The following COQ4 variants were observed in gnomAD, a reference collection of about 807,000 sequenced individuals.
COQ4 encodes the protein coenzyme Q4.
A neutral mutation model predicts 30.2 loss-of-function variants in COQ4; 36 were observed. The ratio of observed to expected loss-of-function variants is 1.19; its 90% CI spans 0.91 to 1.57. COQ4 has a LOEUF of 1.57. Ranked by LOEUF, COQ4 falls within the 40% of genes most tolerant of loss-of-function variation. COQ4 has a pLI of 0.00. For missense variants in COQ4, 369 were observed against 371.9 expected (o/e 0.99, Z 0.07); for synonymous variants, 197 against 161.0 (o/e 1.22, Z -1.69).
In COQ4 at chr9:128,333,811, C is replaced by G. The variant is rs905856778; in HGVS notation, c.*166C>G. The G allele has an allele frequency of 7.1e-6, 4 of 565,900 alleles. No homozygotes were observed. Among genetic ancestry groups the G allele is most frequent in the Non-Finnish European group, 1.2e-5 (4 of 346,710 alleles). 35.1% of individuals were successfully genotyped at this position (565,900 alleles called of 1,614,324 possible). A position where few individuals can be genotyped will look rare whatever the true frequency, so the allele number is the denominator to read the frequency against. ...GCTGAGTGGCCTTGAGGACGAACCC[C>G]GCAGGGAGCAAGCAGTACAGTGGCA... On this transcript the variant is annotated 3_prime_UTR_variant, in exon 7 of 7. Transcript: ENST00000300452.
Position 128,333,509 on chromosome 9 carries a change from G to T in COQ4, c.662G>T (p.Trp221Leu). 1 of 1,579,680 alleles carries T rather than the reference G, an allele frequency of 6.3e-7. No homozygotes were observed. ...LQVLVSELIP[W>L]AVQNGRRAPC... ...GTGCTGGTCTCGGAGTTGATCCCAT[G>T]GGCCGTTCAGAACGGGCGCAGAGCC... Residue 221 changes from tryptophan (W) to leucine (L), a missense_variant, in exon 7 of 7, where the codon TGG (tryptophan) becomes TTG (leucine). Transcript: ENST00000300452.
intron 2 of COQ4, 78 bp downstream of exon 2, chr9:128,323,225 C>A: frequency 2.1e-6 from 3 of 1,399,504 alleles, no homozygotes; most frequent in Non-Finnish European, 2.8e-6. Context: ...TAGCCTAGGT[C>A]GGGGTACCCA....
At chr9:128,326,182 T>C in intron 4 of COQ4, 4 of 554,674 alleles carry the variant, frequency 7.2e-6, no homozygotes, top group Non-Finnish European at 3.2e-6. Context: ...TATCCTCTTT[T>C]AGCAGATAAG....
intron 4 of COQ4, among the ~76,000 whole-genome samples, chr9:128,328,957 C>T (rs1360722426): frequency 6.6e-6 from 1 of 151,738 alleles, no homozygotes; most frequent in African/African-American, 2.4e-5. Context: ...GCAAGGAAAT[C>T]AGCAGCTCAT....
At chr9:128,327,511 G>A (rs1479441601) in intron 4 of COQ4, among the ~76,000 whole-genome samples, 1 of 151,968 alleles carries the variant, frequency 6.6e-6, no homozygotes, top group Admixed American at 6.6e-5. Flanking sequence ...AGAATATTCT[G>A]GCACTGGTCC....
At chr9:128,328,864 G>A (rs1038993532) in intron 4 of COQ4, among the ~76,000 whole-genome samples, 3 of 152,172 alleles carry the variant, frequency 2.0e-5, no homozygotes, top group African/African-American at 7.2e-5. Context: ...GAGGGGAGGG[G>A]GTAGCAGGGA....
intron 4 of COQ4, among the ~76,000 whole-genome samples, chr9:128,326,819 G>A (rs955674292): frequency 7.2e-5 from 11 of 151,824 alleles, no homozygotes; most frequent in South Asian, 4.2e-4. Flanking sequence ...GCGCCGTCTC[G>A]GCTCACTGCA....
chr9:128,322,930 C>A lies in COQ4; in HGVS notation c.70+2C>A, dbSNP rs767839639. ...CGGGCCTACAGCGGCCTGCGGCAGG[C>A]AAGTGGCGCCGGGTTCTGGGCGCAG... On this transcript the variant is annotated splice_donor_variant, in intron 1 of 6. Coordinates refer to ENST00000300452, the MANE Select transcript of COQ4 (RefSeq NM_016035.5). LOFTEE classifies it high-confidence loss of function. The A allele has an allele frequency of 6.9e-6, 11 of 1,601,482 alleles. No individual in the cohort carries two copies. Among genetic ancestry groups the A allele is most frequent in the Non-Finnish European group, 7.6e-6 (9 of 1,177,974 alleles).
chr9:128,326,457 C>CT (rs111519494), intron 4 of COQ4: 40,815 of 148,262 alleles, frequency 0.28, 9,948 homozygotes, highest in African/African-American at 0.66. Context: ...TGTGCCATCC[C>CT]TTTTTTTTTT....
rs1588546502 is a variant in COQ4 at position 128,333,621 on chromosome 9, C to T, written c.774C>T (p.Pro258=). Residue 258 remains proline (P), a synonymous_variant, in exon 7 of 7, where the codon CCC becomes CCT. Coordinates refer to ENST00000300452, the MANE Select transcript of COQ4 (RefSeq NM_016035.5). ...AGGAGCTGGGCATTACAGCACCACC[C>T]ATGCACGTCCAGGGCTTGGCCTGAG... is the stretch of plus-strand genomic sequence containing the variant. The part of the protein sequence containing the change: ...LREELGITAP[P]MHVQGLA 1.3e-6 allele frequency: 2 copies of T among 1,583,872 alleles called. No individual in the cohort carries two copies. Among genetic ancestry groups the T allele is most frequent in the East Asian group, 2.3e-5 (1 of 43,482 alleles).
rs181369716 is a variant in COQ4, at chr9:128,326,119, C to T, written c.402+238C>T. Reference sequence around the variant, plus strand: ...CGCACTGCATGCCTGATGCCAGCCTCATCCGTGATCTTGCTGAATCCCCCC... The same window carrying T: ...CGCACTGCATGCCTGATGCCAGCCTTATCCGTGATCTTGCTGAATCCCCCC... On this transcript the variant is annotated intron_variant, in intron 4 of 6. Transcript: ENST00000300452. 4.8e-4 allele frequency: 279 copies of T among 576,902 alleles called. No homozygotes were observed. In the Middle Eastern group the frequency reaches 5.0e-3, roughly 10 times the overall value. 35.7% of individuals were successfully genotyped at this position (576,902 alleles called of 1,614,324 possible).
At chr9:128,331,929 G>A (rs371587271) in intron 4 of COQ4, 8 of 446,088 alleles carry the variant, frequency 1.8e-5, no homozygotes, top group East Asian at 8.1e-5. Flanking sequence ...GGGTTTCACC[G>A]TATTGGTCAG....
Position 128,333,776 on chromosome 9 carries a change from C to T in COQ4, c.*131C>T. 1.1e-6 allele frequency: 1 copy of T among 895,944 alleles called. No individual in the cohort carries two copies. Among genetic ancestry groups the T allele is most frequent in the East Asian group, 3.1e-5 (1 of 31,920 alleles). The allele number at this position is 895,944 out of a possible 1,614,324, so 55.5% of individuals were successfully genotyped here. ...TTGGACAACATTTATCATAATTTGT[C>T]ATAACCACTGCTGAGTGGCCTTGAG... On this transcript the variant is annotated 3_prime_UTR_variant, in exon 7 of 7. Coordinates refer to ENST00000300452, the MANE Select transcript of COQ4 (RefSeq NM_016035.5).
intron 4 of COQ4, among the ~76,000 whole-genome samples, chr9:128,328,267 C>A (rs1263694059): frequency 6.9e-6 from 1 of 144,874 alleles, no homozygotes; most frequent in African/African-American, 2.9e-5. Context: ...AGTAAAGTGA[C>A]CTGATTTGTA....
rs763842960 is a variant in COQ4 at position 128,332,199 on chromosome 9, A to G, written c.449A>G (p.Glu150Gly). 2 of 1,607,586 alleles carry G rather than the reference A, an allele frequency of 1.2e-6. No homozygotes were observed. The highest frequency in any genetic ancestry group is 3.4e-5 in the Admixed American group (2 of 59,040). Residue 150 changes from glutamate (E) to glycine (G), a missense_variant, in exon 5 of 7, where the codon GAG becomes GGG. Coordinates refer to ENST00000300452, the MANE Select transcript of COQ4 (RefSeq NM_016035.5). ...TRAPTRFVDD[E>G]ELAYVIQRYR... ...GCACCCACCCGCTTCGTGGATGATG[A>G]GGAGCTAGCGTATGTGATTCAGCGG...
intron 4 of COQ4, chr9:128,330,387 AAAAT>A (rs1051132250): frequency 6.6e-5 from 10 of 152,186 alleles, no homozygotes; most frequent in South Asian, 2.1e-4. Context: ...AATAAAAATA[AAAAT>A]AAATAAATAA....
rs1832312092 is a variant in COQ4, at chr9:128,325,893, G to A, written c.402+12G>A. On this transcript the variant is annotated intron_variant, in intron 4 of 6. Transcript: ENST00000300452. ...TCCTGGATGTGAACGTGAGTTTTCA[G>A]CTCCTGTGTATCTGGCAGTCACCAG... 6.2e-6 allele frequency: 10 copies of A among 1,609,564 alleles called. No homozygotes were observed. The highest frequency in any genetic ancestry group is 1.3e-5 in the African/African-American group (1 of 74,794).
At chr9:128,333,408 G>C in intron 6 of COQ4, 66 bp from the exon 7 acceptor site, 1 of 1,385,480 alleles carries the variant, frequency 7.2e-7, no homozygotes. Context: ...AAATGCACAA[G>C]TGCCGAGCAG....
Position 128,325,240 on chromosome 9 carries a change from G to A in COQ4, c.299+1G>A, listed in dbSNP as rs1183420702. ...ATCCAGAGGGTGCCCAGATCCTGCA[G>A]TAGGTCCCAGCTCTGCCTGGGGGTC... is the stretch of plus-strand genomic sequence containing the variant. On this transcript the variant is annotated splice_donor_variant, in intron 3 of 6. Coordinates refer to ENST00000300452, the MANE Select transcript of COQ4 (RefSeq NM_016035.5). LOFTEE classifies it high-confidence loss of function. The A allele has an allele frequency of 6.2e-7, 1 of 1,610,052 alleles. No homozygotes were observed.
Sources: gnomAD v4.1 joint callset for allele counts (sites outside exome capture counted in the v4.1 genomes callset) on GRCh38, gnomAD v4.1.1 for gene constraint, MANE v1.5 for transcripts, NCBI Gene and HGNC (gene_info 2026-07-23, HGNC 2026-07-21) for gene names.